The following TKFC variants were observed in gnomAD, a reference collection of about 807,000 sequenced individuals.
The protein encoded by TKFC is triokinase/FMN cyclase.
A neutral mutation model predicts 61.0 loss-of-function variants in TKFC; 46 were observed. The ratio of observed to expected loss-of-function variants is 0.75; its 90% CI spans 0.60 to 0.96. The LOEUF is 0.96. TKFC is among the 50% of genes least tolerant of loss of function. The pLI, the probability that TKFC is intolerant of heterozygous loss-of-function variation, is 0.00. For missense variants in TKFC, 715 were observed against 777.5 expected, an observed-to-expected ratio of 0.92 and a Z score of 0.96; for synonymous variants, 314 against 330.1, an observed-to-expected ratio of 0.95 and a Z score of 0.53.
At position 61,348,615 on chromosome 11, in the gene TKFC, C is replaced by T. The variant is rs894186900; in HGVS notation, c.*2112C>T. 5 of 542,478 alleles carry T rather than the reference C, an allele frequency of 9.2e-6. No individual in the cohort carries two copies. Among genetic ancestry groups the T allele is most frequent in the East Asian group, 1.5e-4 (1 of 6,802 alleles). 33.6% of individuals were successfully genotyped at this position (542,478 alleles called of 1,614,324 possible). On this transcript the variant is annotated 3_prime_UTR_variant, in exon 18 of 18. Transcript: ENST00000394900. ...AGGGTGGAGCCCCAGAGAGCTCTCA[C>T]GCCCTTTCCACCATGTGAGGTTATG...
chr11:61,339,613 C>T (rs1856772547), intron 5 of TKFC, 178 bp downstream of exon 5: 5 of 696,548 alleles, frequency 7.2e-6, no homozygotes, highest in Admixed American at 3.1e-5. Context: ...CAGATACAGG[C>T]ATTTTCCCAG....
Position 61,347,845 on chromosome 11 carries a change from T to C in TKFC, c.*1342T>C. On this transcript the variant is annotated 3_prime_UTR_variant, in exon 18 of 18. Coordinates refer to ENST00000394900, the MANE Select transcript of TKFC (RefSeq NM_015533.4). Reference sequence around the variant, plus strand: ...GGGGACATGAAAGGATTCAAATGAATTGATGAAGATGGGCCATAAAGCCCA... The same window carrying C: ...GGGGACATGAAAGGATTCAAATGAACTGATGAAGATGGGCCATAAAGCCCA... The C allele has an allele frequency of 1.1e-5, 11 of 980,342 alleles. No homozygotes were observed. The highest frequency in any genetic ancestry group is 1.3e-5 in the Non-Finnish European group (11 of 825,348). 60.7% of individuals were successfully genotyped at this position (980,342 alleles called of 1,614,324 possible).
intron 2 of TKFC, among the ~76,000 whole-genome samples, chr11:61,337,259 C>T (rs1386175646): frequency 1.3e-5 from 2 of 152,216 alleles, no homozygotes; most frequent in Non-Finnish European, 2.9e-5. Context: ...GATCCTCCCA[C>T]CTCAGCCTTC....
At chr11:61,345,771 A>T in intron 16 of TKFC, 26 bp downstream of exon 16, 1 of 1,614,090 alleles carries the variant, frequency 6.2e-7, no homozygotes, top group Non-Finnish European at 8.5e-7. Flanking sequence ...GTGGCCTCAG[A>T]CCTTTCTCCT....
Position 61,344,123 on chromosome 11 carries a change from C to T in TKFC, c.1103-13C>T. Reference sequence around the variant, plus strand: ...GCCTGGTGGGCCTGTTCTTCAGCATCCTCCCTTTCTAGGCTCAGCCTCGAA... The same window carrying T: ...GCCTGGTGGGCCTGTTCTTCAGCATTCTCCCTTTCTAGGCTCAGCCTCGAA... On this transcript the variant is annotated splice_polypyrimidine_tract_variant and intron_variant, in intron 12 of 17. Transcript: ENST00000394900. 1.2e-6 allele frequency: 2 copies of T among 1,611,698 alleles called. No homozygotes were observed. The highest frequency in any genetic ancestry group is 1.7e-6 in the Non-Finnish European group (2 of 1,179,826).
intron 3 of TKFC, 61 bp downstream of exon 3, chr11:61,338,191 C>G (rs1856696411): frequency 6.9e-7 from 1 of 1,445,164 alleles, no homozygotes; most frequent in African/African-American, 1.4e-5. Context: ...CCTGGGGGAT[C>G]CTTAGTGCTG....
downstream of TKFC, chr11:61,349,685 CAG>C (rs1451566810): frequency 2.8e-6 from 2 of 702,274 alleles, no homozygotes; most frequent in Admixed American, 2.0e-5. Context: ...CATGCAGACA[CAG>C]AGCAGCAATA....
chr11:61,338,545 G>A (rs892032034), intron 3 of TKFC, among the ~76,000 whole-genome samples: 2 of 152,092 alleles, frequency 1.3e-5, no homozygotes, highest in Non-Finnish European at 2.9e-5. Flanking sequence ...AGCCAGGGAC[G>A]CAGACTCTCC....
intron 13 of TKFC, among the ~76,000 whole-genome samples, chr11:61,344,856 G>A (rs1369005953): frequency 6.6e-6 from 1 of 152,208 alleles, no homozygotes; most frequent in Non-Finnish European, 1.5e-5. Context: ...TTTGGTGCCT[G>A]CCGTGGGGCA....
chr11:61,347,499 A>T lies in TKFC; in HGVS notation c.*996A>T, dbSNP rs1314414835. On this transcript the variant is annotated 3_prime_UTR_variant, in exon 18 of 18. Coordinates refer to ENST00000394900, the MANE Select transcript of TKFC (RefSeq NM_015533.4). ...GGCTGCGGTGAGCCATAAGCATGCC[A>T]CTATACTCCAGCCTGGGCAACAAAG... The T allele has an allele frequency of 5.1e-6, 5 of 984,258 alleles. No individual in the cohort carries two copies. Among genetic ancestry groups the T allele is most frequent in the African/African-American group, 1.8e-5 (1 of 56,446 alleles). 61.0% of individuals were successfully genotyped at this position (984,258 alleles called of 1,614,324 possible). A position where few individuals can be genotyped will look rare whatever the true frequency, so the allele number is the denominator to read the frequency against.
At position 61,337,319 on chromosome 11, in the gene TKFC, T is replaced by C. The variant is rs549598750; in HGVS notation, c.4-622T>C. 2.0e-5 allele frequency among the ~76,000 whole-genome samples: 3 copies of C among 152,264 alleles called. No homozygotes were observed. In the East Asian group the frequency reaches 5.8e-4, roughly 29 times the overall value. On this transcript the variant is annotated intron_variant, in intron 2 of 17. Transcript: ENST00000394900. ...ACCACCATGCCTGGATCATTTTTCA[T>C]ATTTTTTGTAGAGATGGAGTCTCAT...
chr11:61,346,619 A>G lies in TKFC; in HGVS notation c.*116A>G. 1 of 1,489,928 alleles carries G rather than the reference A, an allele frequency of 6.7e-7. No individual in the cohort carries two copies. The highest frequency in any genetic ancestry group is 8.9e-7 in the Non-Finnish European group (1 of 1,126,052). The allele number at this position is 1,489,928 out of a possible 1,614,324, so 92.3% of individuals were successfully genotyped here. On this transcript the variant is annotated 3_prime_UTR_variant, in exon 18 of 18. Transcript: ENST00000394900. This position sits in a 1 kb window ranked among gnomAD's most constrained non-coding sequence, Gnocchi z 4.1. Reference sequence around the variant, plus strand: ...TCCCCCGGCCTGGCCCCATTGGCCCACCCTCTAAGTTGAGCAGGAAATCCT... The same window carrying G: ...TCCCCCGGCCTGGCCCCATTGGCCCGCCCTCTAAGTTGAGCAGGAAATCCT...
At position 61,337,981 on chromosome 11, in the gene TKFC, A is replaced by T. The variant is rs1856682725; in HGVS notation, c.44A>T (p.Asp15Val). The T allele has an allele frequency of 6.2e-7, 1 of 1,610,858 alleles. No individual in the cohort carries two copies. Reference sequence around the variant, plus strand: ...GTGAACTCGGTGGCTGGCTGTGCTGATGACGCTCTTGCTGGCCTGGTGGCC... The same window carrying T: ...GTGAACTCGGTGGCTGGCTGTGCTGTTGACGCTCTTGCTGGCCTGGTGGCC... Reference protein sequence around the residue: ...KLVNSVAGCADDALAGLVACN... With the variant: ...KLVNSVAGCAVDALAGLVACN... The change falls in exon 3 of 18, where the codon GAT becomes GTT. Residue 15 changes from aspartate to valine, a missense_variant. Coordinates refer to ENST00000394900, the MANE Select transcript of TKFC (RefSeq NM_015533.4).
rs147476562 is a variant in TKFC at position 61,345,336 on chromosome 11, C to G, written c.1317C>G (p.Leu439=). Reference sequence around the variant, plus strand: ...TGCTCTCCAAGTTGTCTGTCCTGCTCCTGGAGAAGATGGGAGGCTCATCTG... The same window carrying G: ...TGCTCTCCAAGTTGTCTGTCCTGCTGCTGGAGAAGATGGGAGGCTCATCTG... ...AQLLSKLSVL[L]LEKMGGSSGA... Residue 439 remains leucine (L), a synonymous_variant, in exon 14 of 18, where the codon CTC becomes CTG. Coordinates refer to ENST00000394900, the MANE Select transcript of TKFC (RefSeq NM_015533.4). 1.2e-5 allele frequency: 20 copies of G among 1,605,100 alleles called. No homozygotes were observed. The African/African-American group carries it at 2.3e-4, about 18-fold the overall frequency.
intron 7 of TKFC, 197 bp from the exon 8 acceptor site, chr11:61,342,264 T>C: frequency 1.4e-6 from 1 of 693,910 alleles, no homozygotes. Flanking sequence ...CTTAACTATC[T>C]CTAGTTAAAG....
chr11:61,336,887 A>G (rs1349241558), intron 2 of TKFC, among the ~76,000 whole-genome samples: 1 of 151,632 alleles, frequency 6.6e-6, no homozygotes, highest in Non-Finnish European at 1.5e-5. Context: ...GCACCACCAC[A>G]CTATTCACTC....
At position 61,346,413 on chromosome 11, in the gene TKFC, T is replaced by C. The variant is rs1338540676; in HGVS notation, c.1638T>C (p.Tyr546=). The C allele has an allele frequency of 4.3e-6, 7 of 1,612,542 alleles. No individual in the cohort carries two copies. Among genetic ancestry groups the C allele is most frequent in the African/African-American group, 1.3e-5 (1 of 75,034 alleles). The change falls in exon 18 of 18, where the codon TAT becomes TAC. Residue 546 remains tyrosine (Y), a synonymous_variant. Coordinates refer to ENST00000394900, the MANE Select transcript of TKFC (RefSeq NM_015533.4). This position sits in a 1 kb window ranked among gnomAD's most constrained non-coding sequence, Gnocchi z 4.1. The part of the protein sequence containing the change: ...NMEAGAGRAS[Y]ISSARLEQPD... Reference sequence around the variant, plus strand: ...AAGCTGGAGCCGGAAGAGCCAGTTATATCAGCTCAGCACGGCTGGAGCAGC... The same window carrying C: ...AAGCTGGAGCCGGAAGAGCCAGTTACATCAGCTCAGCACGGCTGGAGCAGC...
At chr11:61,343,101 G>A (rs1377629970) in intron 10 of TKFC, 9 of 609,256 alleles carry the variant, frequency 1.5e-5, no homozygotes, top group African/African-American at 5.6e-5. Context: ...TCAACACAGC[G>A]CCCAGCACCT....
downstream of TKFC, chr11:61,349,522 C>T: frequency 1.4e-6 from 1 of 702,792 alleles, no homozygotes; most frequent in East Asian, 2.7e-5. Flanking sequence ...GCTACTGGGA[C>T]ATCTGGGGAC....
Sources: allele counts gnomAD v4.1 joint callset (sites outside exome capture counted in the v4.1 genomes callset), GRCh38; gene constraint gnomAD v4.1.1; non-coding constraint Gnocchi (gnomAD v3.1); transcripts MANE v1.5; gene names NCBI Gene and HGNC (gene_info 2026-07-23, HGNC 2026-07-21).